Variants in NUGGC observed in about 807,000 individuals in gnomAD.
NUGGC encodes the protein nuclear GTPase, germinal center associated, also known as nuclear GTPase SLIP-GC.
NUGGC carries 58 observed loss-of-function variants against 92.6 expected under a neutral mutation model. That is an observed-to-expected ratio of 0.63 (90% confidence interval 0.51 to 0.78). The LOEUF is 0.78. Among genes scored for constraint, NUGGC ranks in the 30% least tolerant of loss-of-function variants. The probability of loss-of-function intolerance (pLI) is 0.00; values close to 1 mark genes in which losing one functional copy is unlikely to be tolerated. For missense variants in NUGGC, 925 were observed against 964.6 expected, an observed-to-expected ratio of 0.96 and a Z score of 0.54; for synonymous variants, 376 against 366.4, an observed-to-expected ratio of 1.03 and a Z score of -0.30.
chr8:28,066,085 C>A (rs1054790354), intron 6 of NUGGC, among the ~76,000 whole-genome samples: 2 of 152,094 alleles, frequency 1.3e-5, no homozygotes, highest in East Asian at 1.9e-4. Context: ...TGTTTCCGTG[C>A]GTAAATTTAT....
At chr8:28,046,303 T>A (rs1809832026) in intron 11 of NUGGC, among the ~76,000 whole-genome samples, 1 of 152,182 alleles carries the variant, frequency 6.6e-6, no homozygotes, top group Non-Finnish European at 1.5e-5. Context: ...ATTTCACACC[T>A]TCTGCTCCTT....
At chr8:28,030,089 G>T (rs114593838) in intron 16 of NUGGC, among the ~76,000 whole-genome samples, 2,275 of 152,254 alleles carry the variant, frequency 0.015, 65 homozygotes, top group African/African-American at 0.052. Flanking sequence ...ATGCAAAAAA[G>T]CAGGGTGTCT....
rs369064910 is a variant in NUGGC, at chr8:28,027,043, C to T, written c.2164G>A (p.Val722Met). The T allele has an allele frequency of 2.1e-5, 34 of 1,612,492 alleles. No individual in the cohort carries two copies. The highest frequency in any genetic ancestry group is 5.3e-5 in the African/African-American group (4 of 74,884). The change falls in exon 18 of 19, where the codon GTG (valine) becomes ATG (methionine). Residue 722 changes from valine to methionine, a missense_variant. By Grantham distance (21) the Val-to-Met change is conservative. Transcript: ENST00000413272. Reference sequence around the variant, plus strand: ...GTGATGCTGCCCTTCACCTTCTCCACGATTCCAGTCTATGCAACAAGGACA... The same window carrying T: ...GTGATGCTGCCCTTCACCTTCTCCATGATTCCAGTCTATGCAACAAGGACA... ...HQFQQLKTGI[V>M]EKVKGSITTM...
chr8:28,081,479 G>GT (rs989277076), intron 1 of NUGGC, among the ~76,000 whole-genome samples: 2 of 152,136 alleles, frequency 1.3e-5, no homozygotes, highest in African/African-American at 4.8e-5. Flanking sequence ...TCCAGGCCAC[G>GT]TCTGTTAGTC....
chr8:28,074,178 G>C (rs1486442557), intron 2 of NUGGC, among the ~76,000 whole-genome samples, 190 bp downstream of exon 2: 1 of 151,812 alleles, frequency 6.6e-6, no homozygotes, highest in Non-Finnish European at 1.5e-5. Flanking sequence ...ATTATGAACA[G>C]GTTATTTCAG....
rs773710206 is a variant in NUGGC at position 28,060,546 on chromosome 8, C to T, written c.977G>A (p.Gly326Glu). 3 of 1,613,708 alleles carry T rather than the reference C, an allele frequency of 1.9e-6. No individual in the cohort carries two copies. Among genetic ancestry groups the T allele is most frequent in the Non-Finnish European group, 2.5e-6 (3 of 1,179,806 alleles). ...WVISDIERVS[G>E]GQAHEDLLNE... Reference sequence around the variant, plus strand: ...CAGAAGGTCTTCGTGGGCTTGCCCCCCAGAAACTCGCTCTATGTCGCTGAT... The same window carrying T: ...CAGAAGGTCTTCGTGGGCTTGCCCCTCAGAAACTCGCTCTATGTCGCTGAT... The change falls in exon 8 of 19, where the codon GGG becomes GAG. Residue 326 changes from glycine to glutamate, a missense_variant. Transcript: ENST00000413272.
Position 28,023,446 on chromosome 8 carries a change from G to A in NUGGC, c.2262C>T (p.Tyr754=), listed in dbSNP as rs781337018. ...YKELADVGSE[Y]KEMEKLHRSL... is the part of the protein sequence containing the mutation. The stretch of plus-strand genomic sequence containing the variant: ...TTCTGTGCAGCTTCTCCATCTCCTT[G>A]TATTCACTCCCGACATCTACAGGAG... Residue 754 remains tyrosine (Y), a synonymous_variant, in exon 19 of 19, where the codon TAC becomes TAT. Coordinates refer to ENST00000413272, the MANE Select transcript of NUGGC (RefSeq NM_001010906.2). 32 of 1,613,612 alleles carry A rather than the reference G, an allele frequency of 2.0e-5. No homozygotes were observed. The highest frequency in any genetic ancestry group is 4.2e-6 in the Non-Finnish European group (5 of 1,179,836).
rs890683802 is a variant in NUGGC at position 28,033,683 on chromosome 8, G to A, written c.1626C>T (p.Asn542=). ...CTTTCAGGGTCTGATGAAAACCTTG[G>A]TTTCCTTTACTCCTCTAGACAATCA... is the stretch of plus-strand genomic sequence containing the variant. ...LRACLVRSKG[N]QGFHQTLKAV... Residue 542 remains asparagine (N), a synonymous_variant, in exon 14 of 19, where the codon AAC becomes AAT. Transcript: ENST00000413272. 1.9e-6 allele frequency: 3 copies of A among 1,613,880 alleles called. No homozygotes were observed. The highest frequency in any genetic ancestry group is 1.7e-5 in the Admixed American group (1 of 60,014).
intron 12 of NUGGC, 129 bp from the exon 13 acceptor site, chr8:28,041,344 A>G: frequency 1.1e-6 from 1 of 905,908 alleles, no homozygotes; most frequent in Non-Finnish European, 1.7e-6. Context: ...ACTTCTCTTT[A>G]TTGTCCCCAT....
At chr8:28,039,935 C>T (rs4732810) in intron 13 of NUGGC, among the ~76,000 whole-genome samples, 53,581 of 151,864 alleles carry the variant, frequency 0.35, 9,952 homozygotes, top group East Asian at 0.47. Flanking sequence ...AGGGTGGGGC[C>T]CTGATCTGAC....
At chr8:28,046,414 A>C (rs1481722141) in intron 11 of NUGGC, among the ~76,000 whole-genome samples, 2 of 151,898 alleles carry the variant, frequency 1.3e-5, no homozygotes, top group Non-Finnish European at 2.9e-5. Flanking sequence ...CTGCCCACCC[A>C]CTTTCCACTG....
At chr8:28,025,976 A>G (rs1443431656) in intron 18 of NUGGC, among the ~76,000 whole-genome samples, 3 of 152,202 alleles carry the variant, frequency 2.0e-5, no homozygotes, top group Non-Finnish European at 2.9e-5. Context: ...TTTTATGCAC[A>G]TACAAACATA....
At chr8:28,031,159 G>C in intron 15 of NUGGC, 84 bp downstream of exon 15, 1 of 1,484,044 alleles carries the variant, frequency 6.7e-7, no homozygotes, top group South Asian at 1.2e-5. Context: ...GGGAACAAGG[G>C]AACAGACAGG....
At chr8:28,066,867 A>C (rs1193976874) in intron 6 of NUGGC, among the ~76,000 whole-genome samples, 2 of 152,178 alleles carry the variant, frequency 1.3e-5, no homozygotes, top group Non-Finnish European at 2.9e-5. Flanking sequence ...AAATCATGAC[A>C]AGTCTGCTTT....
At chr8:28,083,384 A>G (rs998100248) in intron 1 of NUGGC, among the ~76,000 whole-genome samples, 1 of 152,248 alleles carries the variant, frequency 6.6e-6, no homozygotes, top group Non-Finnish European at 1.5e-5. Context: ...ATACCCAACC[A>G]GTACTCCTCA....
chr8:28,065,997 A>G (rs555148512), intron 6 of NUGGC, among the ~76,000 whole-genome samples: 197 of 61,456 alleles, frequency 3.2e-3, no homozygotes, highest in African/African-American at 0.017. Flanking sequence ...ATCGTTGTAG[A>G]AGGCCTTGAT....
In NUGGC at chr8:28,022,157, CTTTTTTTTTTTT is replaced by C. The variant is rs35977212; in HGVS notation, c.*1148_*1159del. The C allele has an allele frequency of 2.1e-5, 2 of 95,948 alleles. No homozygotes were observed. Among genetic ancestry groups the C allele is most frequent in the African/African-American group, 7.8e-5 (2 of 25,594 alleles). The allele number at this position is 95,948 out of a possible 1,614,324, so 5.9% of individuals were successfully genotyped here. The stretch of plus-strand genomic sequence containing the variant: ...TATATATATATATTTTTTTCTTTTT[CTTTTTTTTTTTT>C]TTTTTTTGAGACATAGTCTCACTCC... On this transcript the variant is annotated 3_prime_UTR_variant, in exon 19 of 19. Coordinates refer to ENST00000413272, the MANE Select transcript of NUGGC (RefSeq NM_001010906.2).
At chr8:28,039,303 G>A (rs1177525602) in intron 13 of NUGGC, among the ~76,000 whole-genome samples, 4 of 150,640 alleles carry the variant, frequency 2.7e-5, no homozygotes, top group African/African-American at 7.3e-5. Context: ...CACCATCTCA[G>A]CTCACTGCAA....
intron 12 of NUGGC, 48 bp downstream of exon 12, chr8:28,045,479 G>T (rs1299298956): frequency 2.5e-6 from 4 of 1,569,192 alleles, no homozygotes; most frequent in Non-Finnish European, 3.5e-6. Context: ...AAAAGGAAAT[G>T]TCCTGCCCAG....
Sources: allele counts gnomAD v4.1 joint callset (sites outside exome capture counted in the v4.1 genomes callset), GRCh38; gene constraint gnomAD v4.1.1; transcripts MANE v1.5; gene names NCBI Gene and HGNC (gene_info 2026-07-23, HGNC 2026-07-21).